The following HERC3 variants were observed in gnomAD, a reference collection of about 807,000 sequenced individuals.
The protein encoded by HERC3 is HECT and RLD domain containing E3 ubiquitin protein ligase 3, also known as probable E3 ubiquitin-protein ligase HERC3.
A neutral mutation model predicts 129.9 loss-of-function variants in HERC3; 58 were observed. That is an observed-to-expected ratio of 0.45 (90% CI 0.36 to 0.56). The LOEUF (loss-of-function observed/expected upper bound fraction) is 0.56, where lower values mean the gene tolerates loss of function less well. Among genes scored for constraint, HERC3 ranks in the 20% least tolerant of loss-of-function variants. The pLI is 0.00. For missense variants in HERC3, 835 were observed against 1,244.2 expected (o/e 0.67, Z 4.95); for synonymous variants, 430 against 451.0 (o/e 0.95, Z 0.59).
At chr4:88,534,365 T>C in the HERC3 span, among the ~76,000 whole-genome samples, 11 of 152,294 alleles carry the variant, frequency 7.2e-5, no homozygotes, top group Non-Finnish European at 1.5e-4. Flanking sequence ...GGACAGCCCC[T>C]CACGACAAAG....
chr4:88,607,167 A>C (rs1361518300), intron 3 of HERC3, among the ~76,000 whole-genome samples: 1 of 125,592 alleles, frequency 8.0e-6, no homozygotes, highest in Non-Finnish European at 1.5e-5. Flanking sequence ...GTTGAGTAGC[A>C]CTTTGGTGTG....
At chr4:88,572,240 AC>A in the HERC3 span, among the ~76,000 whole-genome samples, 5 of 151,856 alleles carry the variant, frequency 3.3e-5, no homozygotes, top group East Asian at 9.7e-4. Flanking sequence ...CCCAGACAAC[AC>A]AGTGAGATCT....
At chr4:88,677,642 T>C (rs987777955) in intron 18 of HERC3, among the ~76,000 whole-genome samples, 4 of 152,208 alleles carry the variant, frequency 2.6e-5, no homozygotes, top group African/African-American at 9.6e-5. Flanking sequence ...TTGAAAGTTG[T>C]GGTTTTTACC....
At chr4:88,651,142 A>G (rs1437160505) in intron 4 of HERC3, among the ~76,000 whole-genome samples, 1 of 152,212 alleles carries the variant, frequency 6.6e-6, no homozygotes, top group African/African-American at 2.4e-5. Context: ...GAAAATGTTT[A>G]TAACATTAAT....
At chr4:88,683,707 G>T (rs576303345) in intron 21 of HERC3, among the ~76,000 whole-genome samples, 1 of 152,162 alleles carries the variant, frequency 6.6e-6, no homozygotes, top group East Asian at 1.9e-4. Context: ...GGATATGATT[G>T]TTGTTGCCAT....
At chr4:88,593,074 G>C (rs1413395932) in intron 1 of HERC3, among the ~76,000 whole-genome samples, 1 of 152,180 alleles carries the variant, frequency 6.6e-6, no homozygotes, top group Non-Finnish European at 1.5e-5. Context: ...CTGGCATTTT[G>C]GGGAACCTCA....
Position 88,655,240 on chromosome 4 carries a change from G to A in HERC3, c.844G>A (p.Glu282Lys), listed in dbSNP as rs370030897. Residue 282 changes from glutamate (E) to lysine (K), a missense_variant, in exon 8 of 26, where the codon GAG becomes AAG. Physicochemically the swap from Glu to Lys is moderately conservative, Grantham distance 56. Transcript: ENST00000402738. ...GQLGHDSMND[E>K]VNPRRVLELM... ...ACTTGGACACGACTCCATGAATGAT[G>A]AGGTTAACCCTAGAAGAGTTCTAGA... 1 of 1,613,892 alleles carries A rather than the reference G, an allele frequency of 6.2e-7. No homozygotes were observed. Among genetic ancestry groups the A allele is most frequent in the African/African-American group, 1.3e-5 (1 of 74,918 alleles).
At chr4:88,561,399 A>G in the HERC3 span, among the ~76,000 whole-genome samples, 9,443 of 152,208 alleles carry the variant, frequency 0.062, 424 homozygotes, top group South Asian at 0.22. Context: ...GTAGGTATAT[A>G]TATTTATGGG....
At chr4:88,621,993 A>G (rs747491266) in intron 3 of HERC3, among the ~76,000 whole-genome samples, 2 of 152,040 alleles carry the variant, frequency 1.3e-5, no homozygotes, top group African/African-American at 2.4e-5. Flanking sequence ...TTATTGAGAT[A>G]CAATTTGCAT....
chr4:88,689,194 C>G (rs983704071), intron 23 of HERC3, among the ~76,000 whole-genome samples: 22 of 152,030 alleles, frequency 1.4e-4, no homozygotes, highest in African/African-American at 4.8e-4. Context: ...GATTTTCTTT[C>G]ATAATCTTTC....
At chr4:88,644,429 A>T (rs944729621) in intron 3 of HERC3, among the ~76,000 whole-genome samples, 1 of 152,186 alleles carries the variant, frequency 6.6e-6, no homozygotes, top group African/African-American at 2.4e-5. Flanking sequence ...CTTACCAATA[A>T]AAGGAACAAA....
At chr4:88,610,440 C>T (rs1416397902) in intron 3 of HERC3, among the ~76,000 whole-genome samples, 10 of 130,608 alleles carry the variant, frequency 7.7e-5, no homozygotes, top group African/African-American at 2.9e-4. Flanking sequence ...GGGGACAGAG[C>T]GAGACTCCGT....
chr4:88,534,485 G>GT, the HERC3 span, among the ~76,000 whole-genome samples: 80 of 111,268 alleles, frequency 7.2e-4, no homozygotes, highest in Admixed American at 1.3e-3. Flanking sequence ...TAACAGTTTT[G>GT]TTTTTTTTTT....
upstream of HERC3, among the ~76,000 whole-genome samples, chr4:88,589,366 G>A (rs549194970): frequency 1.2e-3 from 176 of 152,174 alleles, no homozygotes; most frequent in African/African-American, 3.3e-3. Context: ...GGATTACAGG[G>A]GCATGAGCCT....
At chr4:88,570,583 A>G in the HERC3 span, among the ~76,000 whole-genome samples, 1 of 152,124 alleles carries the variant, frequency 6.6e-6, no homozygotes, top group African/African-American at 2.4e-5. Context: ...TCTCCCAGGA[A>G]GTGGGTACAC....
intron 3 of HERC3, among the ~76,000 whole-genome samples, chr4:88,608,735 C>A (rs1723950210): frequency 1.3e-5 from 2 of 152,220 alleles, no homozygotes; most frequent in South Asian, 4.1e-4. Context: ...CTAAATGTGC[C>A]CTCTGTTTCC....
At chr4:88,694,634 T>C (rs1734405017) in intron 23 of HERC3, among the ~76,000 whole-genome samples, 1 of 152,224 alleles carries the variant, frequency 6.6e-6, no homozygotes, top group African/African-American at 2.4e-5. Flanking sequence ...GTGAACATTA[T>C]GGTAATTATA....
chr4:88,603,827 CCCT>C (rs1176380647), intron 2 of HERC3, among the ~76,000 whole-genome samples: 2 of 152,162 alleles, frequency 1.3e-5, no homozygotes, highest in African/African-American at 2.4e-5. Context: ...AGGGGTTGTT[CCCT>C]CCTCCTTTCT....
the HERC3 span, among the ~76,000 whole-genome samples, chr4:88,582,464 T>C: frequency 6.6e-6 from 1 of 152,198 alleles, no homozygotes. Context: ...TCTCTCTCCC[T>C]GACCTGCTGT....
Sources: gnomAD v4.1 joint callset for allele counts (sites outside exome capture counted in the v4.1 genomes callset) on GRCh38, gnomAD v4.1.1 for gene constraint, MANE v1.5 for transcripts, NCBI Gene and HGNC (gene_info 2026-07-23, HGNC 2026-07-21) for gene names.